Variants in GALNT11 observed in about 807,000 individuals in gnomAD.
GALNT11 encodes the protein UDP-GalNAc:polypeptide N-acetylgalactosaminyltransferase 11.
In GALNT11, 47 loss-of-function variants were observed where a neutral mutation model predicts 72.7. The observed-to-expected ratio is 0.65, with a 90% confidence interval of 0.51 to 0.82. The LOEUF (loss-of-function observed/expected upper bound fraction) is 0.82. Among genes scored for constraint, GALNT11 ranks in the 40% least tolerant of loss-of-function variants. GALNT11 has a pLI of 0.00. For missense variants in GALNT11, 677 were observed against 778.4 expected, an observed-to-expected ratio of 0.87 and a Z score of 1.55; for synonymous variants, 270 against 286.6, an observed-to-expected ratio of 0.94 and a Z score of 0.58.
At chr7:152,039,969 C>A (rs1249034724) in intron 1 of GALNT11, among the ~76,000 whole-genome samples, 1 of 152,022 alleles carries the variant, frequency 6.6e-6, no homozygotes, top group Non-Finnish European at 1.5e-5. Flanking sequence ...TGTATGCGGG[C>A]TGTCCTGTAA....
chr7:152,070,802 G>T (rs1236469335), intron 1 of GALNT11, among the ~76,000 whole-genome samples: 1 of 152,252 alleles, frequency 6.6e-6, no homozygotes, highest in East Asian at 1.9e-4. Flanking sequence ...ATTCACGTAG[G>T]TTCTTTTCTA....
intron 1 of GALNT11, among the ~76,000 whole-genome samples, chr7:152,055,096 G>C (rs960417592): frequency 2.0e-5 from 3 of 152,148 alleles, no homozygotes; most frequent in African/African-American, 7.2e-5. Flanking sequence ...ATTGGTATGT[G>C]TTCAGATTTC....
intron 1 of GALNT11, among the ~76,000 whole-genome samples, chr7:152,037,091 AC>A (rs1447786082): frequency 1.3e-5 from 2 of 152,176 alleles, no homozygotes. Context: ...TTGATGTGAT[AC>A]CATTTGTCCA....
At chr7:152,084,672 T>G (rs187551014) in intron 1 of GALNT11, among the ~76,000 whole-genome samples, 1,698 of 152,290 alleles carry the variant, frequency 0.011, 43 homozygotes, top group Admixed American at 0.06. Flanking sequence ...TATACTCTTC[T>G]CTAAGATTTC....
At chr7:152,070,941 AC>A (rs2084603667) in intron 1 of GALNT11, among the ~76,000 whole-genome samples, 1 of 152,156 alleles carries the variant, frequency 6.6e-6, no homozygotes, top group Admixed American at 6.5e-5. Context: ...AGCCACAAAA[AC>A]CAGCAAGTTT....
chr7:152,059,898 AAG>A (rs746526513), intron 1 of GALNT11, among the ~76,000 whole-genome samples: 121 of 152,308 alleles, frequency 7.9e-4, no homozygotes, highest in Middle Eastern at 3.4e-3. Flanking sequence ...AGCCCCTAAC[AAG>A]AGAGTCACCC....
chr7:152,040,807 A>T (rs2082821844), intron 1 of GALNT11, among the ~76,000 whole-genome samples: 1 of 152,256 alleles, frequency 6.6e-6, no homozygotes, highest in South Asian at 2.1e-4. Context: ...ACCATAGGGC[A>T]TCTGAAAAAC....
chr7:152,075,904 A>AC (rs1171615960), intron 1 of GALNT11, among the ~76,000 whole-genome samples: 2 of 151,832 alleles, frequency 1.3e-5, no homozygotes, highest in East Asian at 3.9e-4. Context: ...TACTAAAAAT[A>AC]CAAAAAAATT....
At chr7:152,108,369 T>A in intron 6 of GALNT11, 82 bp downstream of exon 6, 6 of 1,520,260 alleles carry the variant, frequency 3.9e-6, no homozygotes, top group Non-Finnish European at 5.3e-6. Flanking sequence ...TAATTCCTCC[T>A]TCTTTGTAAG....
chr7:152,120,801 T>G (rs769335173), intron 10 of GALNT11, 30 bp from the exon 11 acceptor site: 2 of 1,552,298 alleles, frequency 1.3e-6, no homozygotes, highest in East Asian at 2.2e-5. Context: ...AAATTCGTTA[T>G]CTAAATTTTA....
chr7:152,026,907 G>C (rs547855347), intron 1 of GALNT11, among the ~76,000 whole-genome samples: 1 of 152,318 alleles, frequency 6.6e-6, no homozygotes, highest in South Asian at 2.1e-4. Flanking sequence ...CTTGAGGGCA[G>C]TGTCATGGGC....
rs2086260487 is a variant in GALNT11 at position 152,094,628 on chromosome 7, A to C, written c.295+106A>C. Reference sequence around the variant, plus strand: ...AGAAATGCTGCATCATTTTTTCCCCACTGATTTATTTTGTTTGTGAACTAC... The same window carrying C: ...AGAAATGCTGCATCATTTTTTCCCCCCTGATTTATTTTGTTTGTGAACTAC... On this transcript the variant is annotated intron_variant, in intron 2 of 11. Coordinates refer to ENST00000430044, the MANE Select transcript of GALNT11 (RefSeq NM_022087.4). This position sits in a 1 kb window ranked among gnomAD's most constrained non-coding sequence, Gnocchi z 4.3. 1.5e-6 allele frequency: 2 copies of C among 1,297,296 alleles called. No homozygotes were observed. Among genetic ancestry groups the C allele is most frequent in the African/African-American group, 3.0e-5 (2 of 66,556 alleles). The allele number at this position is 1,297,296 out of a possible 1,614,324, so 80.4% of individuals were successfully genotyped here. A position where few individuals can be genotyped will look rare whatever the true frequency, so the allele number is the denominator to read the frequency against.
chr7:152,068,604 G>C (rs1231285946), intron 1 of GALNT11, among the ~76,000 whole-genome samples: 1 of 152,152 alleles, frequency 6.6e-6, no homozygotes, highest in Non-Finnish European at 1.5e-5. Flanking sequence ...CATGGGAACA[G>C]TATGATGACT....
chr7:152,076,592 T>G (rs2084995798), intron 1 of GALNT11, among the ~76,000 whole-genome samples: 1 of 152,090 alleles, frequency 6.6e-6, no homozygotes, highest in South Asian at 2.1e-4. Context: ...GAAGCTGGAG[T>G]CTTCTTATCA....
In GALNT11 at chr7:152,105,326, A is replaced by C; in HGVS notation, c.668A>C (p.Glu223Ala). ...KIKVIRNTKR[E>A]GLIRGRMIGA... is the part of the protein sequence containing the mutation. ...AAAGTCATAAGAAATACAAAGCGTG[A>C]GGGGTTGATTCGAGGGAGAATGATT... The change falls in exon 5 of 12, where the codon GAG (glutamate) becomes GCG (alanine). Residue 223 changes from glutamate to alanine, a missense_variant. Glu to Ala is a moderately radical substitution (Grantham distance 107). Coordinates refer to ENST00000430044, the MANE Select transcript of GALNT11 (RefSeq NM_022087.4). 6.2e-7 allele frequency: 1 copy of C among 1,614,090 alleles called. No homozygotes were observed. Among genetic ancestry groups the C allele is most frequent in the Non-Finnish European group, 8.5e-7 (1 of 1,179,972 alleles).
chr7:152,069,485 G>C (rs527289012), intron 1 of GALNT11, among the ~76,000 whole-genome samples: 1 of 152,302 alleles, frequency 6.6e-6, no homozygotes, highest in Non-Finnish European at 1.5e-5. Flanking sequence ...CTGATTTTCT[G>C]GCTGCTTGAT....
intron 4 of GALNT11, chr7:152,104,935 A>AT (rs527692246): frequency 1.0e-3 from 175 of 171,524 alleles, no homozygotes; most frequent in Admixed American, 1.9e-3. Context: ...TCAGCTGAAC[A>AT]TTTATGCACT....
At chr7:152,072,314 C>CAA (rs754741694) in intron 1 of GALNT11, among the ~76,000 whole-genome samples, 10 of 62,194 alleles carry the variant, frequency 1.6e-4, no homozygotes, top group East Asian at 4.6e-4. Context: ...GACTCCGTCT[C>CAA]AAAAAAAAAA....
intron 1 of GALNT11, among the ~76,000 whole-genome samples, chr7:152,091,232 TTTA>T (rs765242489): frequency 6.7e-5 from 10 of 150,198 alleles, no homozygotes; most frequent in East Asian, 2.0e-4. Flanking sequence ...ATATATTTAT[TTTA>T]TTATTATTAT....
Sources: gnomAD v4.1 joint callset for allele counts (sites outside exome capture counted in the v4.1 genomes callset) on GRCh38, gnomAD v4.1.1 for gene constraint, Gnocchi (gnomAD v3.1) non-coding constraint, MANE v1.5 for transcripts, NCBI Gene and HGNC (gene_info 2026-07-23, HGNC 2026-07-21) for gene names.